Variants in NR6A1 observed in about 807,000 individuals in gnomAD.
NR6A1 encodes the protein nuclear receptor subfamily 6 group A member 1.
NR6A1 carries 7 observed loss-of-function variants against 59.1 expected under a neutral mutation model. That is an observed-to-expected ratio of 0.12 (90% confidence interval 0.07 to 0.22). The LOEUF is 0.22. Among genes scored for constraint, NR6A1 ranks in the 10% least tolerant of loss-of-function variants. The probability of loss-of-function intolerance (pLI) is 1.00; values close to 1 mark genes in which losing one functional copy is unlikely to be tolerated. For synonymous variants in NR6A1, 243 were observed against 236.1 expected (o/e 1.03, Z -0.27); for missense variants, 468 against 611.6 (o/e 0.77, Z 2.48).
chr9:124,598,956 C>T (rs1464058044), intron 2 of NR6A1: 2 of 712,242 alleles, frequency 2.8e-6, no homozygotes, highest in African/African-American at 3.5e-5. Context: ...TGGTCATTAC[C>T]CACGTTGGGT....
intron 2 of NR6A1, among the ~76,000 whole-genome samples, chr9:124,573,822 A>G (rs1022887407): frequency 2.6e-5 from 4 of 152,260 alleles, no homozygotes; most frequent in African/African-American, 9.6e-5. Flanking sequence ...AAGCCGTAAC[A>G]TATATACATA....
chr9:124,653,153 T>C (rs1837152569), intron 2 of NR6A1, among the ~76,000 whole-genome samples: 1 of 152,202 alleles, frequency 6.6e-6, no homozygotes, highest in Non-Finnish European at 1.5e-5. Context: ...TCTTCCTTGC[T>C]ATGTGACACT....
intron 2 of NR6A1, among the ~76,000 whole-genome samples, chr9:124,561,488 T>C (rs541088350): frequency 6.6e-4 from 100 of 152,242 alleles, no homozygotes; most frequent in Middle Eastern, 3.4e-3. Context: ...AATAAGGCAA[T>C]AGATTACCCA....
intron 1 of NR6A1, among the ~76,000 whole-genome samples, chr9:124,743,484 T>C (rs768889425): frequency 2.3e-4 from 35 of 152,204 alleles, no homozygotes; most frequent in Non-Finnish European, 4.4e-4. Context: ...CTTAGGGGGA[T>C]ACTATGCCCA....
intron 2 of NR6A1, among the ~76,000 whole-genome samples, chr9:124,726,910 T>C (rs529465078): frequency 6.6e-6 from 1 of 152,310 alleles, no homozygotes; most frequent in Middle Eastern, 3.4e-3. Flanking sequence ...CTGTTTTTGG[T>C]TTTCTGATGG....
chr9:124,703,545 T>C (rs1304098261), intron 2 of NR6A1, among the ~76,000 whole-genome samples: 1 of 152,174 alleles, frequency 6.6e-6, no homozygotes, highest in Non-Finnish European at 1.5e-5. Flanking sequence ...CGACACTTGG[T>C]ATACTGCATT....
chr9:124,727,916 C>T (rs1335947841), intron 2 of NR6A1, among the ~76,000 whole-genome samples: 3 of 152,050 alleles, frequency 2.0e-5, no homozygotes, highest in African/African-American at 7.2e-5. Flanking sequence ...ATCTCCTGAC[C>T]TCATGATCTG....
chr9:124,725,020 A>G (rs1415848918), intron 2 of NR6A1, among the ~76,000 whole-genome samples: 1 of 152,242 alleles, frequency 6.6e-6, no homozygotes, highest in African/African-American at 2.4e-5. Context: ...GTTTTAAGCA[A>G]CAATGACTTC....
intron 2 of NR6A1, among the ~76,000 whole-genome samples, chr9:124,658,039 T>C (rs775760368): frequency 1.5e-4 from 23 of 152,182 alleles, no homozygotes; most frequent in Non-Finnish European, 7.3e-5. Context: ...AATCAAATAA[T>C]TGGTTTCAGT....
intron 2 of NR6A1, among the ~76,000 whole-genome samples, chr9:124,560,165 A>G (rs987484005): frequency 6.6e-6 from 1 of 152,206 alleles, no homozygotes. Context: ...TCAACCACAC[A>G]CATATTTAAT....
In NR6A1 at chr9:124,522,583, A is replaced by G; in HGVS notation, c.*122T>C. ...CAAACAAACAAAAACTCTTCTTGCT[A>G]TGGAGGCAACGGGAAATGCTGCTCC... On this transcript the variant is annotated 3_prime_UTR_variant, in exon 10 of 10. Transcript: ENST00000487099. 1.6e-6 allele frequency: 1 copy of G among 623,896 alleles called. No individual in the cohort carries two copies. Among genetic ancestry groups the G allele is most frequent in the Non-Finnish European group, 2.8e-6 (1 of 363,130 alleles). The allele number at this position is 623,896 out of a possible 1,614,324, so 38.6% of individuals were successfully genotyped here.
chr9:124,554,830 G>C (rs559997039), intron 2 of NR6A1, among the ~76,000 whole-genome samples: 1 of 152,270 alleles, frequency 6.6e-6, no homozygotes, highest in African/African-American at 2.4e-5. Flanking sequence ...AACCTAGAAA[G>C]AATCTTTGAC....
intron 2 of NR6A1, among the ~76,000 whole-genome samples, chr9:124,590,909 C>G (rs557284905): frequency 6.6e-6 from 1 of 152,334 alleles, no homozygotes; most frequent in Non-Finnish European, 1.5e-5. Context: ...GCCCATCCCC[C>G]TCTCCATTTT....
At chr9:124,655,230 C>CATCA (rs1288276553) in intron 2 of NR6A1, among the ~76,000 whole-genome samples, 5 of 152,166 alleles carry the variant, frequency 3.3e-5, no homozygotes, top group Non-Finnish European at 5.9e-5. Flanking sequence ...ACCCACTGAT[C>CATCA]ATCAACTGAC....
At chr9:124,723,664 A>C (rs1839629071) in intron 2 of NR6A1, among the ~76,000 whole-genome samples, 1 of 152,254 alleles carries the variant, frequency 6.6e-6, no homozygotes, top group Non-Finnish European at 1.5e-5. Context: ...ACATTATACT[A>C]CATAGCCTAG....
In NR6A1 at chr9:124,701,126, G is replaced by A. The variant is rs1838937835; in HGVS notation, c.142+32182C>T. Among the ~76,000 whole-genome samples the A allele has an allele frequency of 2.0e-5, 3 of 152,136 alleles. No individual in the cohort carries two copies. In the South Asian group the frequency reaches 6.2e-4, roughly 32 times the overall value. On this transcript the variant is annotated intron_variant, in intron 2 of 9. Transcript: ENST00000487099. The stretch of plus-strand genomic sequence containing the variant: ...TGGATATCCAGGAGTGGAATTGCTG[G>A]ATCATATGGTAAGTTTAACTTTTTA...
intron 2 of NR6A1, among the ~76,000 whole-genome samples, chr9:124,709,614 C>T (rs1280242454): frequency 1.3e-5 from 2 of 152,070 alleles, no homozygotes; most frequent in Non-Finnish European, 2.9e-5. Context: ...CAATTGCATG[C>T]TCTGCCATTG....
chr9:124,746,823 GGCT>G (rs1426641957), intron 1 of NR6A1, among the ~76,000 whole-genome samples: 1 of 152,050 alleles, frequency 6.6e-6, no homozygotes, highest in African/African-American at 2.4e-5. Flanking sequence ...TCCATGTATA[GGCT>G]GCTATCCCAG....
chr9:124,626,640 A>C (rs1836248491), intron 2 of NR6A1, among the ~76,000 whole-genome samples: 1 of 152,190 alleles, frequency 6.6e-6, no homozygotes, highest in African/African-American at 2.4e-5. Flanking sequence ...ATCCCTAATA[A>C]TACTGGAGCT....
Sources: allele counts gnomAD v4.1 joint callset (sites outside exome capture counted in the v4.1 genomes callset), GRCh38; gene constraint gnomAD v4.1.1; transcripts MANE v1.5; gene names NCBI Gene and HGNC (gene_info 2026-07-23, HGNC 2026-07-21).